Variants in UBAC1 observed in about 807,000 individuals in gnomAD.
UBAC1 encodes UBA domain containing 1, also known as ubiquitin-associated domain-containing protein 1.
UBAC1 carries 27 observed loss-of-function variants against 45.9 expected under a neutral mutation model. That is an observed-to-expected ratio of 0.59 (90% confidence interval 0.43 to 0.81). The LOEUF is 0.81. Among genes scored for constraint, UBAC1 ranks in the 30% least tolerant of loss-of-function variants. UBAC1 has a pLI of 0.00. For synonymous variants in UBAC1, 227 were observed against 215.5 expected (o/e 1.05, Z -0.47); for missense variants, 529 against 539.2 (o/e 0.98, Z 0.19).
intron 4 of UBAC1, among the ~76,000 whole-genome samples, chr9:135,947,273 C>T (rs950051384): frequency 1.9e-4 from 29 of 151,550 alleles, no homozygotes; most frequent in African/African-American, 5.8e-4. Flanking sequence ...TTTCTTGAGA[C>T]GGAGTTTCGC....
At chr9:135,948,777 C>G (rs1019202095) in intron 3 of UBAC1, among the ~76,000 whole-genome samples, 1 of 152,256 alleles carries the variant, frequency 6.6e-6, no homozygotes, top group Admixed American at 6.5e-5. Flanking sequence ...GCGCTGCTAT[C>G]AAGATCCAGG....
intron 9 of UBAC1, among the ~76,000 whole-genome samples, chr9:135,937,695 C>T (rs1276654137): frequency 6.6e-6 from 1 of 152,220 alleles, no homozygotes; most frequent in Non-Finnish European, 1.5e-5. Context: ...GCGACGGCCA[C>T]ACCGGAGGGA....
At chr9:135,958,268 C>T (rs1045826230) in intron 1 of UBAC1, among the ~76,000 whole-genome samples, 1 of 152,098 alleles carries the variant, frequency 6.6e-6, no homozygotes, top group African/African-American at 2.4e-5. Flanking sequence ...AGAATGGTCT[C>T]GATCTCCTGA....
intron 9 of UBAC1, among the ~76,000 whole-genome samples, chr9:135,937,513 C>G (rs1043499652): frequency 3.2e-4 from 48 of 151,572 alleles, no homozygotes; most frequent in Non-Finnish European, 3.2e-4. Context: ...GTTCCCAGTG[C>G]CTTCCATCAA....
chr9:135,934,061 T>A (rs1439614612), intron 9 of UBAC1, among the ~76,000 whole-genome samples: 2 of 152,356 alleles, frequency 1.3e-5, no homozygotes, highest in South Asian at 2.1e-4. Context: ...CAGGTGGCTT[T>A]TAGCAAAAAG....
At chr9:135,958,853 G>A (rs1839498148) in intron 1 of UBAC1, among the ~76,000 whole-genome samples, 1 of 152,182 alleles carries the variant, frequency 6.6e-6, no homozygotes. Context: ...GTCGGCTCTT[G>A]CGGTGTGAAA....
At chr9:135,947,738 C>T (rs543594006) in intron 4 of UBAC1, 60 bp downstream of exon 4, 92 of 1,436,322 alleles carry the variant, frequency 6.4e-5, no homozygotes, top group Non-Finnish European at 3.4e-5. Flanking sequence ...GGAACCCCCC[C>T]ACAGCAATCC....
intron 7 of UBAC1, 35 bp downstream of exon 7, chr9:135,944,993 C>T (rs1202148069): frequency 8.8e-6 from 14 of 1,582,318 alleles, no homozygotes; most frequent in Middle Eastern, 1.7e-4. Flanking sequence ...GAAGACACAG[C>T]GACTCTGCCT....
In UBAC1 at chr9:135,945,247, C is replaced by A; in HGVS notation, c.657G>T (p.Met219Ile). The change falls in exon 7 of 10, where the codon ATG (methionine) becomes ATT (isoleucine). Residue 219 changes from methionine to isoleucine, a missense_variant. Coordinates refer to ENST00000371756, the MANE Select transcript of UBAC1 (RefSeq NM_016172.3). ...GCCACTCCATGGCCTGAGGCACCGA[C>A]ATGCTGCAAGGCAAGAGACTCTTTC... is the stretch of plus-strand genomic sequence containing the variant. Reference protein sequence around the residue: ...RATKALQLNHMSVPQAMEWLI... With the variant: ...RATKALQLNHISVPQAMEWLI... The A allele has an allele frequency of 6.3e-7, 1 of 1,581,544 alleles. No individual in the cohort carries two copies. Among genetic ancestry groups the A allele is most frequent in the Non-Finnish European group, 8.6e-7 (1 of 1,162,494 alleles).
rs1186211051 is a variant in UBAC1, at chr9:135,945,150, C to G, written c.754G>C (p.Ala252Pro). 1 of 1,613,882 alleles carries G rather than the reference C, an allele frequency of 6.2e-7. No individual in the cohort carries two copies. The highest frequency in any genetic ancestry group is 1.7e-5 in the Admixed American group (1 of 60,000). Residue 252 changes from alanine (A) to proline (P), a missense_variant, in exon 7 of 10, where the codon GCC (alanine) becomes CCC (proline). Transcript: ENST00000371756. ...GCAGCCTCGGAGGCAGCTGCTGTGG[C>G]CCCCTCGGCCTCTGGGGGAGCTTGG... Reference protein sequence around the residue: ...PGQAPPEAEGATAAASEAAAG... With the variant: ...PGQAPPEAEGPTAAASEAAAG...
At chr9:135,941,194 T>C (rs551914707) in intron 7 of UBAC1, among the ~76,000 whole-genome samples, 1 of 152,156 alleles carries the variant, frequency 6.6e-6, no homozygotes, top group African/African-American at 2.4e-5. Context: ...TCACTTGAGG[T>C]CAGGAGTTTG....
At chr9:135,948,391 C>A (rs958171285) in intron 3 of UBAC1, among the ~76,000 whole-genome samples, 4 of 152,250 alleles carry the variant, frequency 2.6e-5, no homozygotes, top group Non-Finnish European at 5.9e-5. Flanking sequence ...CGGCAGAGGA[C>A]GAGGATGGAG....
At chr9:135,938,619 T>C (rs1839227968) in intron 8 of UBAC1, among the ~76,000 whole-genome samples, 1 of 152,252 alleles carries the variant, frequency 6.6e-6, no homozygotes, top group Non-Finnish European at 1.5e-5. Flanking sequence ...CACTGACTGC[T>C]GCCGCTTCCC....
At chr9:135,934,265 C>A (rs1268361705) in intron 9 of UBAC1, among the ~76,000 whole-genome samples, 1 of 152,210 alleles carries the variant, frequency 6.6e-6, no homozygotes, top group Non-Finnish European at 1.5e-5. Flanking sequence ...GAGCACAGAG[C>A]TCAGAGTGAA....
Position 135,946,254 on chromosome 9 carries a change from G to A in UBAC1, c.544+15C>T, listed in dbSNP as rs375145585. ...GTGAACCGCCCTGGAATGCAGCATC[G>A]GGGTTGACTCATACCATTCGCCTTC... On this transcript the variant is annotated intron_variant, in intron 5 of 9. Coordinates refer to ENST00000371756, the MANE Select transcript of UBAC1 (RefSeq NM_016172.3). 4.5e-5 allele frequency: 70 copies of A among 1,569,360 alleles called. No homozygotes were observed. Among genetic ancestry groups the A allele is most frequent in the African/African-American group, 4.0e-4 (30 of 74,086 alleles).
chr9:135,955,195 A>C, intron 2 of UBAC1, 100 bp downstream of exon 2: 1 of 1,282,350 alleles, frequency 7.8e-7, no homozygotes. Context: ...TGTCCAGCTC[A>C]GAACACTGAC....
chr9:135,943,932 G>A (rs1554728387), intron 7 of UBAC1, among the ~76,000 whole-genome samples: 5 of 152,140 alleles, frequency 3.3e-5, no homozygotes, highest in Non-Finnish European at 7.3e-5. Context: ...AGAACACATG[G>A]ACACAGTGAG....
Position 135,955,390 on chromosome 9 carries a change from G to A in UBAC1, c.164C>T (p.Pro55Leu), listed in dbSNP as rs1325175630. The change falls in exon 2 of 10, where the codon CCC becomes CTC. Residue 55 changes from proline to leucine, a missense_variant. Pro to Leu is a moderately conservative substitution (Grantham distance 98). Transcript: ENST00000371756. ...KHCAHGSLED[P>L]KSITHHKLIH... Reference sequence around the variant, plus strand: ...TAATTTATGATGGGTTATACTTTTGGGATCTTCTAAGCTCCCATGAGCACA... The same window carrying A: ...TAATTTATGATGGGTTATACTTTTGAGATCTTCTAAGCTCCCATGAGCACA... 1.9e-6 allele frequency: 3 copies of A among 1,595,966 alleles called. No homozygotes were observed. The highest frequency in any genetic ancestry group is 1.4e-5 in the African/African-American group (1 of 74,034).
chr9:135,950,780 T>C (rs990500731), intron 3 of UBAC1, among the ~76,000 whole-genome samples: 1 of 152,168 alleles, frequency 6.6e-6, no homozygotes, highest in African/African-American at 2.4e-5. Context: ...AGGAAGAGAA[T>C]TGTTAAAAAT....
Sources: allele counts gnomAD v4.1 joint callset (sites outside exome capture counted in the v4.1 genomes callset), GRCh38; gene constraint gnomAD v4.1.1; transcripts MANE v1.5; gene names NCBI Gene and HGNC (gene_info 2026-07-23, HGNC 2026-07-21).